Variants in EPHA5 observed in about 807,000 individuals in gnomAD.
The protein encoded by EPHA5 is ephrin type-A receptor 5.
A neutral mutation model predicts 105.0 loss-of-function variants in EPHA5; 60 were observed. The ratio of observed to expected loss-of-function variants is 0.57; its 90% CI spans 0.46 to 0.71. EPHA5 has a LOEUF of 0.71. Among genes scored for constraint, EPHA5 ranks in the 30% least tolerant of loss-of-function variants. The pLI, the probability that EPHA5 is intolerant of heterozygous loss-of-function variation, is 0.00. For synonymous variants in EPHA5, 513 were observed against 449.1 expected, an observed-to-expected ratio of 1.14 and a Z score of -1.80; for missense variants, 1,218 against 1,274.7, an observed-to-expected ratio of 0.96 and a Z score of 0.68.
intron 8 of EPHA5, among the ~76,000 whole-genome samples, chr4:65,372,463 G>A (rs1718572256): frequency 6.6e-6 from 1 of 151,762 alleles, no homozygotes; most frequent in Admixed American, 6.6e-5. Context: ...AAAACTGTGT[G>A]AGTCATTTAT....
rs1720686254 is a variant in EPHA5 at position 65,332,153 on chromosome 4, TAA to T, written c.2790-27_2790-26del. 3 of 1,525,816 alleles carry T rather than the reference TAA, an allele frequency of 2.0e-6. No individual in the cohort carries two copies. The South Asian group carries it at 3.8e-5, about 20-fold the overall frequency. The allele number at this position is 1,525,816 out of a possible 1,614,324, so 94.5% of individuals were successfully genotyped here. On this transcript the variant is annotated intron_variant, in intron 15 of 16. Transcript: ENST00000613740. ...TCTAAAACACATAAAACATAAATAT[TAA>T]AAGTTACAATTTAATTCTTTTATAA... is the stretch of plus-strand genomic sequence containing the variant.
chr4:65,644,410 C>T (rs550089729), intron 1 of EPHA5, among the ~76,000 whole-genome samples: 4 of 152,098 alleles, frequency 2.6e-5, no homozygotes, highest in African/African-American at 7.2e-5. Flanking sequence ...AACAGAACAA[C>T]TTTGAATGAG....
chr4:65,501,191 T>C (rs1032233921), intron 3 of EPHA5, among the ~76,000 whole-genome samples: 4 of 151,520 alleles, frequency 2.6e-5, no homozygotes, highest in African/African-American at 7.2e-5. Flanking sequence ...ATAAATATTA[T>C]TGCTTATACC....
chr4:65,508,423 C>A (rs894875240), intron 3 of EPHA5, among the ~76,000 whole-genome samples: 1 of 152,062 alleles, frequency 6.6e-6, no homozygotes, highest in Non-Finnish European at 1.5e-5. Context: ...GCCTTGATTG[C>A]TAAGATAGAA....
At chr4:65,638,026 T>C (rs1747306526) in intron 2 of EPHA5, among the ~76,000 whole-genome samples, 1 of 152,088 alleles carries the variant, frequency 6.6e-6, no homozygotes, top group Non-Finnish European at 1.5e-5. Context: ...CCTTAAATTC[T>C]TGCCAAATTC....
chr4:65,517,807 T>A (rs1315146247), intron 3 of EPHA5, among the ~76,000 whole-genome samples: 6 of 152,092 alleles, frequency 3.9e-5, no homozygotes, highest in African/African-American at 1.4e-4. Context: ...TACAAAAATG[T>A]AGCCCTTTCC....
chr4:65,605,054 C>T (rs759128279), intron 2 of EPHA5, among the ~76,000 whole-genome samples: 2 of 152,174 alleles, frequency 1.3e-5, no homozygotes, highest in African/African-American at 2.4e-5. Flanking sequence ...ATCCCCTGAG[C>T]CCATGCTTTC....
At position 65,345,858 on chromosome 4, in the gene EPHA5, T is replaced by C. The variant is rs546820610; in HGVS notation, c.2595+2196A>G. 4.6e-3 allele frequency among the ~76,000 whole-genome samples: 705 copies of C among 152,170 alleles called. 6 individuals are homozygous for C. The highest frequency in any genetic ancestry group is 0.016 in the African/African-American group (650 of 41,532). ...CGCAATCTCGGCTCACTGCAAGCTC[T>C]GCCTCCCGGGTTCATGCCATTCTCC... On this transcript the variant is annotated intron_variant, in intron 14 of 16. Coordinates refer to ENST00000613740, the MANE Select transcript of EPHA5 (RefSeq NM_001281766.3).
Position 65,348,237 on chromosome 4 carries a change from A to G in EPHA5, c.2446-34T>C, listed in dbSNP as rs200264870. ...GAAAAAGATTTAAAAAACTTCCTAC[A>G]TACTTCAAATGTGCCTAGGGACAGT... On this transcript the variant is annotated intron_variant, in intron 13 of 16. Coordinates refer to ENST00000613740, the MANE Select transcript of EPHA5 (RefSeq NM_001281766.3). The G allele has an allele frequency of 4.4e-6, 7 of 1,587,068 alleles. No homozygotes were observed. In the South Asian group the frequency reaches 4.6e-5, roughly 10 times the overall value.
At chr4:65,593,200 T>C (rs1369101796) in intron 3 of EPHA5, among the ~76,000 whole-genome samples, 1 of 152,178 alleles carries the variant, frequency 6.6e-6, no homozygotes, top group Non-Finnish European at 1.5e-5. Flanking sequence ...TTAGTTCTAA[T>C]ACTGTCAAAA....
At chr4:65,621,251 G>A (rs1745680258) in intron 2 of EPHA5, among the ~76,000 whole-genome samples, 1 of 152,094 alleles carries the variant, frequency 6.6e-6, no homozygotes, top group Non-Finnish European at 1.5e-5. Flanking sequence ...CTTTACATAT[G>A]CCTGTTTTGA....
Position 65,502,968 on chromosome 4 carries a change from A to G in EPHA5, c.911-7425T>C, listed in dbSNP as rs529116679. Among the ~76,000 whole-genome samples the G allele has an allele frequency of 3.9e-5, 6 of 151,974 alleles. No individual in the cohort carries two copies. In the South Asian group the frequency reaches 1.2e-3, roughly 31 times the overall value. ...ACAAAATCATGTCCTTTGCAGCAAC[A>G]TGGATGTGACTGGAAGCTATTATCC... On this transcript the variant is annotated intron_variant, in intron 3 of 16. Transcript: ENST00000613740.
At chr4:65,476,681 T>G (rs1161730787) in intron 5 of EPHA5, among the ~76,000 whole-genome samples, 1 of 152,116 alleles carries the variant, frequency 6.6e-6, no homozygotes, top group Non-Finnish European at 1.5e-5. Context: ...AACCTCAGCC[T>G]CATGCAATCT....
chr4:65,400,611 A>G (rs1367110320), intron 8 of EPHA5, among the ~76,000 whole-genome samples: 4 of 152,130 alleles, frequency 2.6e-5, no homozygotes, highest in Non-Finnish European at 4.4e-5. Flanking sequence ...TGCATAATCA[A>G]TTTAAGCCTG....
chr4:65,328,745 T>C (rs1720319654), intron 16 of EPHA5, among the ~76,000 whole-genome samples: 1 of 151,176 alleles, frequency 6.6e-6, no homozygotes, highest in South Asian at 2.1e-4. Context: ...GATTTAACCA[T>C]GGTCTGTTAA....
At chr4:65,416,054 CA>C (rs1343612689) in intron 6 of EPHA5, among the ~76,000 whole-genome samples, 1 of 151,788 alleles carries the variant, frequency 6.6e-6, no homozygotes, top group Non-Finnish European at 1.5e-5. Context: ...TTCAACTTTC[CA>C]GTCTGGCTAT....
chr4:65,508,493 T>A (rs1015771739), intron 3 of EPHA5, among the ~76,000 whole-genome samples: 3 of 152,108 alleles, frequency 2.0e-5, no homozygotes, highest in Non-Finnish European at 2.9e-5. Flanking sequence ...TCATAGTTCA[T>A]TAACTCAGAA....
chr4:65,377,064 C>A (rs745364233), intron 8 of EPHA5: 3 of 1,608,192 alleles, frequency 1.9e-6, no homozygotes, highest in South Asian at 1.1e-5. Flanking sequence ...TTCGCAGCAA[C>A]TGAAAAGCAA....
At chr4:65,501,217 C>A (rs765733558) in intron 3 of EPHA5, among the ~76,000 whole-genome samples, 5 of 151,300 alleles carry the variant, frequency 3.3e-5, no homozygotes, top group Non-Finnish European at 7.4e-5. Context: ...TTAACATTAA[C>A]AGCATTTTAT....
Sources: gnomAD v4.1 joint callset for allele counts (sites outside exome capture counted in the v4.1 genomes callset) on GRCh38, gnomAD v4.1.1 for gene constraint, MANE v1.5 for transcripts, NCBI Gene and HGNC (gene_info 2026-07-23, HGNC 2026-07-21) for gene names.